NHS: variants seen among roughly 807,000 people sequenced by gnomAD.
NHS encodes the protein actin remodeling regulator NHS.
In NHS, 5 loss-of-function variants were observed where a neutral mutation model predicts 72.5. The ratio of observed to expected loss-of-function variants is 0.07; its 90% CI spans 0.04 to 0.14. NHS has a LOEUF of 0.14. Ranked by LOEUF, NHS falls within the 10% of genes least tolerant of loss-of-function variation. The pLI, the probability that NHS is intolerant of heterozygous loss-of-function variation, is 1.00. For synonymous variants in NHS, 464 were observed against 547.7 expected, an observed-to-expected ratio of 0.85 and a Z score of 2.13; for missense variants, 1,072 against 1,355.7, an observed-to-expected ratio of 0.79 and a Z score of 3.29.
At chrX:17,544,088 C>T (rs1425349398) in intron 1 of NHS, among the ~76,000 whole-genome samples, 1 of 112,534 alleles carries the variant, frequency 8.9e-6, no homozygotes, top group Non-Finnish European at 1.9e-5. Flanking sequence ...TAGCTAATAT[C>T]TCTTAAGTGC....
Position 17,376,077 on chromosome X carries a change from G to C in NHS, c.320G>C (p.Gly107Ala), listed in dbSNP as rs2064345046. 5.6e-6 allele frequency: 6 copies of C among 1,065,846 alleles called. No individual in the cohort carries two copies. The highest frequency in any genetic ancestry group is 2.0e-5 in the African/African-American group (1 of 50,232). 87.8% of individuals were successfully genotyped at this position (1,065,846 alleles called of 1,213,427 possible). A position where few individuals can be genotyped will look rare whatever the true frequency, so the allele number is the denominator to read the frequency against. Residue 107 changes from glycine to alanine, a missense_variant, in exon 1 of 9, where the codon GGC becomes GCC. Physicochemically the swap from Gly to Ala is moderately conservative, Grantham distance 60. Coordinates refer to ENST00000676302, the MANE Select transcript of NHS (RefSeq NM_001291867.2). Reference protein sequence around the residue: ...AGIPEAAPAAGEASSAAAAAA... With the variant: ...AGIPEAAPAAAEASSAAAAAA... ...ATCCCGGAGGCGGCGCCCGCAGCCG[G>C]CGAGGCGTCCTCGGCGGCGGCGGCG...
intron 1 of NHS, among the ~76,000 whole-genome samples, chrX:17,649,490 A>T (rs1423732856): frequency 9.0e-6 from 1 of 111,551 alleles, no homozygotes; most frequent in African/African-American, 3.3e-5. Context: ...ACCTTTGCTT[A>T]ATCTTCTCCT....
At chrX:17,536,310 G>A (rs144433277) in intron 1 of NHS, among the ~76,000 whole-genome samples, 4,260 of 112,463 alleles carry the variant, frequency 0.038, 210 homozygotes, top group African/African-American at 0.13. Flanking sequence ...AGCCGAGATC[G>A]CGCCACTGCA....
intron 3 of NHS, among the ~76,000 whole-genome samples, chrX:17,718,802 A>G: frequency 1.1e-5 from 1 of 89,164 alleles, no homozygotes; most frequent in African/African-American, 4.2e-5. Context: ...GAAGGAAGGA[A>G]GGGGGAAGGA....
intron 1 of NHS, among the ~76,000 whole-genome samples, chrX:17,503,546 C>T (rs1396476373): frequency 9.0e-6 from 1 of 111,640 alleles, no homozygotes; most frequent in South Asian, 3.8e-4. Flanking sequence ...AGGTAACTTA[C>T]TCAAGGTCCT....
At chrX:17,580,218 C>A (rs187550742) in intron 1 of NHS, among the ~76,000 whole-genome samples, 10 of 111,203 alleles carry the variant, frequency 9.0e-5, no homozygotes, top group Non-Finnish European at 1.3e-4. Flanking sequence ...GACTGTAGAG[C>A]TATCATAAAA....
chrX:17,667,933 C>A (rs1473794446), intron 1 of NHS, among the ~76,000 whole-genome samples: 3 of 106,350 alleles, frequency 2.8e-5, no homozygotes, highest in Non-Finnish European at 3.8e-5. Flanking sequence ...GACTTTTCTG[C>A]CTCACATTTT....
At chrX:17,554,793 A>G (rs185643384) in intron 1 of NHS, among the ~76,000 whole-genome samples, 96 of 108,549 alleles carry the variant, frequency 8.8e-4, no homozygotes, top group African/African-American at 3.1e-3. Context: ...CAACTGGAAG[A>G]CTCATGTTTA....
At chrX:17,465,378 G>A (rs2064866638) in intron 1 of NHS, among the ~76,000 whole-genome samples, 1 of 111,701 alleles carries the variant, frequency 9.0e-6, no homozygotes, top group South Asian at 3.8e-4. Flanking sequence ...TTTCTTTTCT[G>A]TGTATCATAT....
Position 17,495,026 on chromosome X carries a change from G to C in NHS, c.565+118704G>C, listed in dbSNP as rs771180131. 2.7e-5 allele frequency among the ~76,000 whole-genome samples: 3 copies of C among 112,148 alleles called. No homozygotes were observed. The South Asian group carries it at 1.1e-3, about 42-fold the overall frequency. On this transcript the variant is annotated intron_variant, in intron 1 of 8. Coordinates refer to ENST00000676302, the MANE Select transcript of NHS (RefSeq NM_001291867.2). The stretch of plus-strand genomic sequence containing the variant: ...CTTACTTCTAAACTCACATTTGGCT[G>C]TTCTAATCTGGACGTATTCAAAACA...
At chrX:17,612,742 C>G (rs375648252) in intron 1 of NHS, among the ~76,000 whole-genome samples, 1 of 111,176 alleles carries the variant, frequency 9.0e-6, no homozygotes. Flanking sequence ...GTTTTTGTGC[C>G]TTCCTCGTCT....
intron 3 of NHS, among the ~76,000 whole-genome samples, chrX:17,715,259 T>C (rs1044198464): frequency 8.9e-6 from 1 of 112,276 alleles, no homozygotes; most frequent in African/African-American, 3.2e-5. Context: ...CTCCCACTTA[T>C]AAATTAGAAC....
rs1250523332 is a variant in NHS at position 17,732,487 on chromosome X, G to A, written c.*23G>A. ...TAGACTGCCTGTACCAGGCTGCCTG[G>A]CAAAGGCCAAAACCCTTACTCACAT... On this transcript the variant is annotated 3_prime_UTR_variant, in exon 9 of 9. Transcript: ENST00000676302. The A allele has an allele frequency of 1.6e-6, 2 of 1,212,288 alleles. No homozygotes were observed. Among genetic ancestry groups the A allele is most frequent in the East Asian group, 3.0e-5 (1 of 33,850 alleles).
Position 17,733,296 on chromosome X carries a change from T to C in NHS, c.*832T>C, listed in dbSNP as rs957613851. ...ATTTGGACAGAATGAAAAGCATGCT[T>C]TTGATTTTTTTTTTAATCAGTGAGA... On this transcript the variant is annotated 3_prime_UTR_variant, in exon 9 of 9. Transcript: ENST00000676302. The C allele has an allele frequency of 3.6e-5, 4 of 112,031 alleles. No individual in the cohort carries two copies. In the East Asian group the frequency reaches 1.1e-3, roughly 31 times the overall value. The allele number at this position is 112,031 out of a possible 1,213,427, so 9.2% of individuals were successfully genotyped here.
At chrX:17,719,026 AAAG>A (rs1408303367) in intron 3 of NHS, among the ~76,000 whole-genome samples, 2 of 87,351 alleles carry the variant, frequency 2.3e-5, no homozygotes, top group Admixed American at 2.4e-4. Flanking sequence ...AAGGAAGAAA[AAAG>A]GAAAGAAGGA....
chrX:17,425,465 A>T (rs2064648675), intron 1 of NHS, among the ~76,000 whole-genome samples: 1 of 97,014 alleles, frequency 1.0e-5, no homozygotes, highest in Admixed American at 1.2e-4. Context: ...AAAAGAAAGC[A>T]CAGGCTAAGA....
intron 1 of NHS, among the ~76,000 whole-genome samples, chrX:17,488,297 A>G (rs1190944840): frequency 8.9e-6 from 1 of 111,838 alleles, no homozygotes; most frequent in Non-Finnish European, 1.9e-5. Context: ...GGAAATTTCC[A>G]GATGCTTACA....
intron 1 of NHS, among the ~76,000 whole-genome samples, chrX:17,634,421 G>A (rs772502683): frequency 4.7e-4 from 53 of 111,942 alleles, no homozygotes; most frequent in Middle Eastern, 4.6e-3. Context: ...CAGAGGAAAA[G>A]CTCGTCTCCC....
chrX:17,477,698 G>A, intron 1 of NHS, among the ~76,000 whole-genome samples: 1 of 112,046 alleles, frequency 8.9e-6, no homozygotes, highest in East Asian at 2.8e-4. Context: ...GATGAGAGTG[G>A]GAACAGGTCT....
Sources: gnomAD v4.1 joint callset for allele counts (sites outside exome capture counted in the v4.1 genomes callset) on GRCh38, gnomAD v4.1.1 for gene constraint, MANE v1.5 for transcripts, NCBI Gene and HGNC (gene_info 2026-07-23, HGNC 2026-07-21) for gene names.